Variants in DGKI observed in about 807,000 individuals in gnomAD.
The protein encoded by DGKI is DAG kinase iota.
In DGKI, 55 loss-of-function variants were observed where a neutral mutation model predicts 147.5. That is an observed-to-expected ratio of 0.37 (90% CI 0.30 to 0.47). The LOEUF (loss-of-function observed/expected upper bound fraction) is 0.47, where lower values mean the gene tolerates loss of function less well. DGKI is among the 20% of genes least tolerant of loss of function. DGKI has a pLI of 1.00. For synonymous variants in DGKI, 469 were observed against 477.1 expected, an observed-to-expected ratio of 0.98 and a Z score of 0.22; for missense variants, 1,007 against 1,323.8, an observed-to-expected ratio of 0.76 and a Z score of 3.71.
chr7:137,450,329 G>A (rs577601380), intron 27 of DGKI, among the ~76,000 whole-genome samples: 6 of 152,266 alleles, frequency 3.9e-5, no homozygotes, highest in East Asian at 1.9e-4. Flanking sequence ...TAATGCATAC[G>A]TTAATTAGCT....
Position 137,384,449 on chromosome 7 carries a change from G to A in DGKI, c.*6771C>T, listed in dbSNP as rs1326115953. Reference sequence around the variant, plus strand: ...CTATATTATGGAAATCTGAACAATTGATATAAAACATCCTTGAAGGCAATG... The same window carrying A: ...CTATATTATGGAAATCTGAACAATTAATATAAAACATCCTTGAAGGCAATG... On this transcript the variant is annotated 3_prime_UTR_variant, in exon 33 of 33. Transcript: ENST00000614521. The A allele has an allele frequency of 6.6e-6, 1 of 151,012 alleles. No individual in the cohort carries two copies. The highest frequency in any genetic ancestry group is 1.5e-5 in the Non-Finnish European group (1 of 67,788). 9.4% of individuals were successfully genotyped at this position (151,012 alleles called of 1,614,324 possible).
chr7:137,705,431 A>C (rs1331296775), intron 1 of DGKI, among the ~76,000 whole-genome samples: 1 of 152,164 alleles, frequency 6.6e-6, no homozygotes, highest in Non-Finnish European at 1.5e-5. Flanking sequence ...AACATGAATG[A>C]ATCTCAGAAA....
chr7:137,559,310 A>T (rs903662007), intron 19 of DGKI, among the ~76,000 whole-genome samples: 4 of 151,608 alleles, frequency 2.6e-5, no homozygotes, highest in African/African-American at 4.9e-5. Context: ...TGACCTCGTG[A>T]TCTGCCCGCC....
chr7:137,413,966 A>C (rs1216292076), intron 28 of DGKI, among the ~76,000 whole-genome samples: 1 of 152,228 alleles, frequency 6.6e-6, no homozygotes, highest in East Asian at 1.9e-4. Context: ...GCTTTCAAAA[A>C]ATAGATTTTA....
At chr7:137,556,958 C>T (rs1818244138) in intron 19 of DGKI, among the ~76,000 whole-genome samples, 1 of 152,020 alleles carries the variant, frequency 6.6e-6, no homozygotes, top group Non-Finnish European at 1.5e-5. Flanking sequence ...GAGTGGGCCT[C>T]ATCCAACTTG....
chr7:137,638,613 C>CATATATGTATATATGTGTATATATAT (rs1554446609), intron 6 of DGKI, among the ~76,000 whole-genome samples: 1 of 15,746 alleles, frequency 6.4e-5, no homozygotes, highest in African/African-American at 3.8e-4. Context: ...TATATATATA[C>CATATATGTATATATGTGTATATATAT]ACACACACAT....
At chr7:137,423,960 CACCCACCA>C (rs1482611972) in intron 28 of DGKI, among the ~76,000 whole-genome samples, 1 of 152,168 alleles carries the variant, frequency 6.6e-6, no homozygotes, top group Non-Finnish European at 1.5e-5. Context: ...TGGTTTGCTG[CACCCACCA>C]ACCCATCATC....
At chr7:137,693,859 G>A (rs974648166) in intron 1 of DGKI, among the ~76,000 whole-genome samples, 2 of 152,138 alleles carry the variant, frequency 1.3e-5, no homozygotes, top group Non-Finnish European at 2.9e-5. Flanking sequence ...ATGCAAATAA[G>A]GTAGAATCCA....
At chr7:137,717,805 TA>T (rs1280172062) in intron 1 of DGKI, among the ~76,000 whole-genome samples, 5 of 152,198 alleles carry the variant, frequency 3.3e-5, no homozygotes, top group Admixed American at 6.5e-5. Context: ...GCTTCTTACG[TA>T]AAAAGCCAGT....
At chr7:137,760,218 C>T (rs1010758273) in intron 1 of DGKI, among the ~76,000 whole-genome samples, 2 of 152,150 alleles carry the variant, frequency 1.3e-5, no homozygotes, top group African/African-American at 4.8e-5. Flanking sequence ...TCTCTAACAA[C>T]CAAGAGCCCT....
chr7:137,703,606 T>C (rs2116523175), intron 1 of DGKI, among the ~76,000 whole-genome samples: 1 of 152,288 alleles, frequency 6.6e-6, no homozygotes, highest in South Asian at 2.1e-4. Flanking sequence ...AAAGTATCTG[T>C]CCAATAATTA....
At chr7:137,542,309 A>G (rs1585214037) in intron 20 of DGKI, among the ~76,000 whole-genome samples, 1 of 152,344 alleles carries the variant, frequency 6.6e-6, no homozygotes. Context: ...AAACCTGTTC[A>G]TCAATGTTTA....
At chr7:137,395,841 G>A in intron 31 of DGKI, 144 bp from the exon 32 acceptor site, 1 of 602,594 alleles carries the variant, frequency 1.7e-6, no homozygotes. Context: ...TTCTGGGGAG[G>A]TAGGGAAGGG....
intron 1 of DGKI, chr7:137,722,241 G>T: frequency 6.2e-7 from 1 of 1,603,620 alleles, no homozygotes; most frequent in Non-Finnish European, 8.5e-7. Context: ...AGAAAAAGAA[G>T]GAGAAGGTTC....
chr7:137,620,019 GCACACACACACACACA>G (rs3839659), intron 7 of DGKI, 79 bp from the exon 8 acceptor site: 143 of 502,558 alleles, frequency 2.8e-4, no homozygotes, highest in Non-Finnish European at 4.8e-5. Context: ...ATGTACACAC[GCACACACACACACACA>G]CACACACACA....
intron 23 of DGKI, among the ~76,000 whole-genome samples, chr7:137,482,098 C>T: frequency 6.6e-6 from 1 of 151,898 alleles, no homozygotes; most frequent in East Asian, 1.9e-4. Flanking sequence ...CTGCCAGTCA[C>T]TTTCTACATA....
At chr7:137,751,362 G>T (rs1235946245) in intron 1 of DGKI, among the ~76,000 whole-genome samples, 2 of 152,234 alleles carry the variant, frequency 1.3e-5, no homozygotes, top group African/African-American at 4.8e-5. Context: ...CTATTGGGCA[G>T]TTAACTCTCT....
At chr7:137,649,235 GAAAA>G (rs1352490762) in intron 5 of DGKI, among the ~76,000 whole-genome samples, 2 of 152,020 alleles carry the variant, frequency 1.3e-5, no homozygotes, top group Non-Finnish European at 2.9e-5. Flanking sequence ...CATCGATAAG[GAAAA>G]AAAGTTACTA....
chr7:137,815,670 C>T (rs550731929), intron 1 of DGKI, among the ~76,000 whole-genome samples: 2 of 152,282 alleles, frequency 1.3e-5, no homozygotes, highest in South Asian at 2.1e-4. Context: ...TGGAAGTTTA[C>T]GGGCTTAGGT....
Sources: allele counts gnomAD v4.1 joint callset (sites outside exome capture counted in the v4.1 genomes callset), GRCh38; gene constraint gnomAD v4.1.1; transcripts MANE v1.5; gene names NCBI Gene and HGNC (gene_info 2026-07-23, HGNC 2026-07-21).